B4GALNT3: variants seen among roughly 807,000 people sequenced by gnomAD.
B4GALNT3 encodes the protein beta-1,4-N-acetyl-galactosaminyltransferase 3.
In B4GALNT3, 86 loss-of-function variants were observed where a neutral mutation model predicts 120.2. The observed-to-expected ratio is 0.72, with a 90% CI of 0.60 to 0.86. B4GALNT3 has a LOEUF of 0.86. B4GALNT3 is among the 40% of genes least tolerant of loss of function. The probability of loss-of-function intolerance (pLI) is 0.00; values close to 1 mark genes in which losing one functional copy is unlikely to be tolerated. For missense variants in B4GALNT3, 1,167 were observed against 1,298.9 expected, an observed-to-expected ratio of 0.90 and a Z score of 1.56; for synonymous variants, 518 against 510.4, an observed-to-expected ratio of 1.01 and a Z score of -0.20.
At chr12:498,870 A>C (rs1307306743) in intron 1 of B4GALNT3, among the ~76,000 whole-genome samples, 1 of 152,220 alleles carries the variant, frequency 6.6e-6, no homozygotes, top group Non-Finnish European at 1.5e-5. Flanking sequence ...GGGAGCGTCC[A>C]AAGCCAGCAG....
At chr12:472,959 C>T (rs1291629736) in intron 1 of B4GALNT3, among the ~76,000 whole-genome samples, 2 of 148,256 alleles carry the variant, frequency 1.3e-5, no homozygotes, top group African/African-American at 5.0e-5. Flanking sequence ...CTGATTTGTA[C>T]TTTAATTGTT....
At chr12:531,813 G>A (rs1342631941) in intron 1 of B4GALNT3, among the ~76,000 whole-genome samples, 1 of 152,130 alleles carries the variant, frequency 6.6e-6, no homozygotes, top group Admixed American at 6.5e-5. Flanking sequence ...CGCTAGGTCT[G>A]GCCCACATAA....
intron 1 of B4GALNT3, among the ~76,000 whole-genome samples, chr12:527,137 A>C (rs1471419342): frequency 6.6e-6 from 1 of 152,076 alleles, no homozygotes; most frequent in Non-Finnish European, 1.5e-5. Flanking sequence ...CATGTTGTCC[A>C]GGCTGGTCTC....
At chr12:464,736 C>G (rs955464601) in intron 1 of B4GALNT3, among the ~76,000 whole-genome samples, 5 of 152,182 alleles carry the variant, frequency 3.3e-5, no homozygotes, top group African/African-American at 1.2e-4. Context: ...CCTTTTAGAT[C>G]TCCCATTTAA....
At chr12:463,982 A>T (rs1946051770) in intron 1 of B4GALNT3, among the ~76,000 whole-genome samples, 1 of 152,232 alleles carries the variant, frequency 6.6e-6, no homozygotes, top group Non-Finnish European at 1.5e-5. Context: ...TGGGACGGGT[A>T]AGGGTAACAA....
intron 5 of B4GALNT3, 136 bp downstream of exon 5, chr12:545,108 A>G (rs780374325): frequency 2.6e-5 from 38 of 1,456,366 alleles, no homozygotes; most frequent in Non-Finnish European, 3.3e-5. Flanking sequence ...GGGGAAATTG[A>G]GTCATATTGC....
At chr12:465,221 G>A (rs1039893869) in intron 1 of B4GALNT3, among the ~76,000 whole-genome samples, 14 of 152,070 alleles carry the variant, frequency 9.2e-5, no homozygotes, top group Non-Finnish European at 1.9e-4. Context: ...TCCTTTTCAC[G>A]TGTCCGGTTT....
At chr12:538,854 G>A (rs1292824348) in intron 3 of B4GALNT3, among the ~76,000 whole-genome samples, 1 of 152,156 alleles carries the variant, frequency 6.6e-6, no homozygotes, top group African/African-American at 2.4e-5. Flanking sequence ...GGGGACTTCT[G>A]TTCCCATCCC....
intron 1 of B4GALNT3, among the ~76,000 whole-genome samples, chr12:464,648 T>G (rs1403807726): frequency 6.6e-6 from 1 of 151,754 alleles, no homozygotes; most frequent in Non-Finnish European, 1.5e-5. Flanking sequence ...AAAAATGGTT[T>G]CTAGAGATGA....
intron 1 of B4GALNT3, among the ~76,000 whole-genome samples, chr12:530,928 C>T (rs572844349): frequency 5.3e-4 from 81 of 152,124 alleles, no homozygotes; most frequent in Non-Finnish European, 9.7e-4. Context: ...TATCTGTCAC[C>T]TGAGATTGGG....
At chr12:470,281 C>G in intron 1 of B4GALNT3, among the ~76,000 whole-genome samples, 1 of 152,226 alleles carries the variant, frequency 6.6e-6, no homozygotes. Context: ...ACAACATGGT[C>G]TCCGTACAAG....
At chr12:554,663 G>A (rs1254039343) in intron 14 of B4GALNT3, among the ~76,000 whole-genome samples, 7 of 150,404 alleles carry the variant, frequency 4.7e-5, no homozygotes, top group Non-Finnish European at 7.4e-5. Context: ...AGTGGCGGGC[G>A]CCTGTAGTCC....
intron 1 of B4GALNT3, among the ~76,000 whole-genome samples, chr12:499,101 G>A (rs1269269294): frequency 6.6e-6 from 1 of 152,164 alleles, no homozygotes; most frequent in African/African-American, 2.4e-5. Flanking sequence ...TGAGAGTTTT[G>A]GGGGAGGATA....
chr12:558,197 G>A (rs1947182310), intron 17 of B4GALNT3, 109 bp downstream of exon 17: 2 of 1,193,672 alleles, frequency 1.7e-6, no homozygotes, highest in South Asian at 1.3e-5. Flanking sequence ...ACGGGAATGA[G>A]GACACAGGAG....
chr12:522,007 A>G (rs1481953675), intron 1 of B4GALNT3, among the ~76,000 whole-genome samples: 1 of 151,496 alleles, frequency 6.6e-6, no homozygotes, highest in Non-Finnish European at 1.5e-5. Flanking sequence ...GATTGCCCCA[A>G]CCTGACTCTA....
At chr12:510,797 A>G (rs1375929240) in intron 1 of B4GALNT3, among the ~76,000 whole-genome samples, 1 of 151,962 alleles carries the variant, frequency 6.6e-6, no homozygotes, top group Non-Finnish European at 1.5e-5. Context: ...TAGAGGCTAT[A>G]AGTCGGCCAG....
intron 1 of B4GALNT3, among the ~76,000 whole-genome samples, chr12:512,186 ACCTTCCG>A (rs201161979): frequency 6.3e-4 from 23 of 36,630 alleles, no homozygotes; most frequent in South Asian, 1.3e-3. Flanking sequence ...TCCGCCTTCC[ACCTTCCG>A]CCTTCCACCT....
chr12:476,960 C>G (rs1946191907), intron 1 of B4GALNT3, among the ~76,000 whole-genome samples: 1 of 152,218 alleles, frequency 6.6e-6, no homozygotes, highest in African/African-American at 2.4e-5. Flanking sequence ...GCTGCAGCCT[C>G]AGAATTTTCT....
intron 1 of B4GALNT3, among the ~76,000 whole-genome samples, chr12:501,904 C>T (rs528103594): frequency 2.6e-4 from 40 of 152,334 alleles, no homozygotes; most frequent in Non-Finnish European, 2.5e-4. Flanking sequence ...ACTGTACTTA[C>T]GGCAGGTGCT....
Sources: gnomAD v4.1 joint callset for allele counts (sites outside exome capture counted in the v4.1 genomes callset) on GRCh38, gnomAD v4.1.1 for gene constraint, MANE v1.5 for transcripts, NCBI Gene and HGNC (gene_info 2026-07-23, HGNC 2026-07-21) for gene names.